PRKAG2: variants seen among roughly 807,000 people sequenced by gnomAD.
PRKAG2 encodes the protein protein kinase AMP-activated non-catalytic subunit gamma 2.
Under a neutral mutation model 69.6 loss-of-function variants are expected in PRKAG2, and 26 were observed. The observed-to-expected ratio is 0.37, with a 90% CI of 0.27 to 0.52. The LOEUF (loss-of-function observed/expected upper bound fraction) is 0.52. Ranked by LOEUF, PRKAG2 falls within the 20% of genes least tolerant of loss-of-function variation. The probability of loss-of-function intolerance (pLI) is 0.90; values close to 1 mark genes in which losing one functional copy is unlikely to be tolerated. For synonymous variants in PRKAG2, 293 were observed against 285.0 expected (o/e 1.03, Z -0.28); for missense variants, 557 against 740.0 (o/e 0.75, Z 2.87).
At chr7:151,616,306 A>G (rs537957089) in intron 5 of PRKAG2, among the ~76,000 whole-genome samples, 2 of 152,290 alleles carry the variant, frequency 1.3e-5, no homozygotes, top group South Asian at 4.1e-4. Flanking sequence ...GCACACAGGC[A>G]CACACACACA....
In PRKAG2 at chr7:151,795,866, T is replaced by TACAC. The variant is rs1179650653; in HGVS notation, c.115-9326_115-9325insGTGT. On this transcript the variant is annotated intron_variant, in intron 1 of 15. Coordinates refer to ENST00000287878, the MANE Select transcript of PRKAG2 (RefSeq NM_016203.4). ...AATCTCATATATATATATATATATA[T>TACAC]ATATATATATATATATATATATATC... Among the ~76,000 whole-genome samples, 75 of 106,704 alleles carry TACAC rather than the reference T, an allele frequency of 7.0e-4. 2 individuals carry two copies. The highest frequency in any genetic ancestry group is 3.0e-3 in the African/African-American group (69 of 23,146). 70.0% of individuals were successfully genotyped at this position (106,704 alleles called of 152,430 possible).
At chr7:151,570,971 A>G (rs970272467) in intron 9 of PRKAG2, among the ~76,000 whole-genome samples, 28 of 151,638 alleles carry the variant, frequency 1.8e-4, no homozygotes, top group African/African-American at 6.5e-4. Context: ...GGGTTTCATG[A>G]TGTTGGCCAG....
chr7:151,816,067 C>T (rs2078629231), intron 1 of PRKAG2, among the ~76,000 whole-genome samples: 2 of 152,136 alleles, frequency 1.3e-5, no homozygotes, highest in African/African-American at 2.4e-5. Flanking sequence ...GACAGAAGGG[C>T]GTTGCATGGC....
rs745525434 is a variant in PRKAG2 at position 151,576,352 on chromosome 7, T to C, written c.946+19A>G. On this transcript the variant is annotated intron_variant, in intron 7 of 15. Transcript: ENST00000287878. Reference sequence around the variant, plus strand: ...TCAAGGTTTCCATTTTCGATTTTCCTCAGGCCCACACTGCTTACCTACAAA... The same window carrying C: ...TCAAGGTTTCCATTTTCGATTTTCCCCAGGCCCACACTGCTTACCTACAAA... 76 of 1,567,310 alleles carry C rather than the reference T, an allele frequency of 4.8e-5. No homozygotes were observed. The highest frequency in any genetic ancestry group is 6.5e-5 in the Non-Finnish European group (74 of 1,138,258).
chr7:151,581,406 A>G (rs1810436974), intron 6 of PRKAG2, among the ~76,000 whole-genome samples: 1 of 152,206 alleles, frequency 6.6e-6, no homozygotes, highest in African/African-American at 2.4e-5. Flanking sequence ...ATAAGGGCCA[A>G]TGAGTCCAAT....
chr7:151,853,845 C>G (rs2079640416), intron 1 of PRKAG2, among the ~76,000 whole-genome samples: 1 of 151,988 alleles, frequency 6.6e-6, no homozygotes, highest in Admixed American at 6.6e-5. Context: ...GCTGAGGAAC[C>G]TGGGCACAGG....
At position 151,603,771 on chromosome 7, in the gene PRKAG2, A is replaced by T. The variant is rs548156290; in HGVS notation, c.755-8317T>A. ...TTGTCAGGTTTCTCCAAGTAGAGGTACTCTTTCCCTCCTCCTTTATGTACT... is the reference window on the plus strand; with the variant it reads ...TTGTCAGGTTTCTCCAAGTAGAGGTTCTCTTTCCCTCCTCCTTTATGTACT... On this transcript the variant is annotated intron_variant, in intron 5 of 15. Coordinates refer to ENST00000287878, the MANE Select transcript of PRKAG2 (RefSeq NM_016203.4). Among the ~76,000 whole-genome samples the T allele has an allele frequency of 4.7e-4, 71 of 152,166 alleles. 1 individual carries two copies. The Middle Eastern group carries it at 0.024, about 51-fold the overall frequency.
chr7:151,733,200 C>G (rs1340246946), intron 3 of PRKAG2, among the ~76,000 whole-genome samples: 1 of 152,250 alleles, frequency 6.6e-6, no homozygotes. Context: ...CACTGACACA[C>G]TAACCAAAGT....
chr7:151,594,928 A>T (rs60032544), intron 6 of PRKAG2, among the ~76,000 whole-genome samples: 1 of 152,064 alleles, frequency 6.6e-6, no homozygotes, highest in Non-Finnish European at 1.5e-5. Flanking sequence ...GGTCCTGAGT[A>T]GCTGGGACTA....
At chr7:151,794,472 C>T (rs1234074365) in intron 1 of PRKAG2, among the ~76,000 whole-genome samples, 1 of 152,270 alleles carries the variant, frequency 6.6e-6, no homozygotes, top group Non-Finnish European at 1.5e-5. Flanking sequence ...AGGACGTCAT[C>T]AAAGGCCCTT....
chr7:151,637,144 C>G (rs186676162), intron 4 of PRKAG2, among the ~76,000 whole-genome samples: 140 of 152,282 alleles, frequency 9.2e-4, no homozygotes, highest in Non-Finnish European at 1.6e-3. Context: ...CTGCGGGGAA[C>G]TAGGTAAAGG....
At chr7:151,669,409 ACT>A (rs1360995345) in intron 4 of PRKAG2, among the ~76,000 whole-genome samples, 2 of 152,136 alleles carry the variant, frequency 1.3e-5, no homozygotes, top group African/African-American at 4.8e-5. Context: ...GTCACTCAAC[ACT>A]CTTAGTATGT....
chr7:151,808,405 C>T (rs572741499), intron 1 of PRKAG2, among the ~76,000 whole-genome samples: 1 of 152,198 alleles, frequency 6.6e-6, no homozygotes, highest in South Asian at 2.1e-4. Flanking sequence ...ACCAGTTGGA[C>T]TGTAGGCAAG....
chr7:151,784,430 A>G (rs904958824), intron 2 of PRKAG2, among the ~76,000 whole-genome samples: 2 of 152,148 alleles, frequency 1.3e-5, no homozygotes, highest in Admixed American at 6.5e-5. Flanking sequence ...GAAGCACCAT[A>G]AGCACCATGC....
chr7:151,830,855 G>GCT (rs1169549308), intron 1 of PRKAG2, among the ~76,000 whole-genome samples: 1 of 151,778 alleles, frequency 6.6e-6, no homozygotes, highest in African/African-American at 2.4e-5. Flanking sequence ...CACATGTTGT[G>GCT]CTCTCTCACC....
At chr7:151,601,002 G>C (rs555870237) in intron 5 of PRKAG2, among the ~76,000 whole-genome samples, 2 of 152,296 alleles carry the variant, frequency 1.3e-5, no homozygotes, top group African/African-American at 4.8e-5. Flanking sequence ...AGTGACCCAA[G>C]CGGGATTTGA....
chr7:151,689,853 C>T (rs998014282), intron 3 of PRKAG2, among the ~76,000 whole-genome samples: 12 of 152,144 alleles, frequency 7.9e-5, no homozygotes, highest in African/African-American at 1.4e-4. Context: ...CCCCAGAGCT[C>T]GTTTCCATGG....
intron 5 of PRKAG2, among the ~76,000 whole-genome samples, chr7:151,597,803 G>C (rs1487841832): frequency 1.4e-5 from 2 of 143,566 alleles, no homozygotes; most frequent in African/African-American, 5.0e-5. Context: ...TGTTGCTGAG[G>C]ATGTGGACAA....
rs747026709 is a variant in PRKAG2, at chr7:151,807,526, G to A, written c.115-20985C>T. The A allele has an allele frequency of 1.1e-5, 5 of 457,682 alleles. No homozygotes were observed. The highest frequency in any genetic ancestry group is 1.8e-5 in the Non-Finnish European group (4 of 226,982). 28.4% of individuals were successfully genotyped at this position (457,682 alleles called of 1,614,324 possible). A position where few individuals can be genotyped will look rare whatever the true frequency, so the allele number is the denominator to read the frequency against. ...ACACTGCCCCTTCTTCCCAACCTAC[G>A]AGCTGAAATGGCCAGCACTGCGCCT... is the stretch of plus-strand genomic sequence containing the variant. On this transcript the variant is annotated intron_variant, in intron 1 of 15. Transcript: ENST00000287878. This position sits in a 1 kb window ranked among gnomAD's most constrained non-coding sequence, Gnocchi z 4.4.
Sources: allele counts gnomAD v4.1 joint callset (sites outside exome capture counted in the v4.1 genomes callset), GRCh38; gene constraint gnomAD v4.1.1; non-coding constraint Gnocchi (gnomAD v3.1); transcripts MANE v1.5; gene names NCBI Gene and HGNC (gene_info 2026-07-23, HGNC 2026-07-21).